FNBP4: variants seen among roughly 807,000 people sequenced by gnomAD.
The protein encoded by FNBP4 is formin binding protein 4, also known as formin-binding protein 4.
Under a neutral mutation model 119.3 loss-of-function variants are expected in FNBP4, and 34 were observed. The observed-to-expected ratio is 0.28, with a 90% CI of 0.22 to 0.38. The LOEUF is 0.38. FNBP4 is among the 10% of genes least tolerant of loss of function. The pLI, the probability that FNBP4 is intolerant of heterozygous loss-of-function variation, is 1.00. For missense variants in FNBP4, 1,112 were observed against 1,228.9 expected (o/e 0.90, Z 1.42); for synonymous variants, 462 against 430.6 (o/e 1.07, Z -0.90).
At chr11:47,765,585 A>G (rs1238697112) in intron 1 of FNBP4, among the ~76,000 whole-genome samples, 5 of 64,494 alleles carry the variant, frequency 7.8e-5, no homozygotes, top group Admixed American at 7.3e-4. Flanking sequence ...GGGGGGGGCC[A>G]CTTGAGGTCA....
chr11:47,750,684 G>A lies in FNBP4; in HGVS notation c.906+232C>T, dbSNP rs573500571. ...AGCCTGGGTGACGGGGCGAGACTCT[G>A]TCTCAAAAAAAAAAAAAAAAAAAAA... is the stretch of plus-strand genomic sequence containing the variant. On this transcript the variant is annotated intron_variant, in intron 6 of 16. Coordinates refer to ENST00000263773, the MANE Select transcript of FNBP4 (RefSeq NM_015308.5). 1.2e-3 allele frequency among the ~76,000 whole-genome samples: 78 copies of A among 67,012 alleles called. 2 individuals are homozygous for A. In the East Asian group the frequency reaches 0.035, roughly 30 times the overall value. 44.0% of individuals were successfully genotyped at this position (67,012 alleles called of 152,430 possible).
intron 6 of FNBP4, among the ~76,000 whole-genome samples, chr11:47,750,356 T>C (rs1204782818): frequency 1.8e-5 from 2 of 112,094 alleles, no homozygotes; most frequent in Non-Finnish European, 3.3e-5. Context: ...CGCTCCAGCC[T>C]GGGCAACAGA....
chr11:47,720,140 C>T (rs1185654679), intron 15 of FNBP4, 54 bp from the exon 16 acceptor site: 16 of 1,530,476 alleles, frequency 1.0e-5, no homozygotes, highest in East Asian at 2.4e-5. Flanking sequence ...TAAGGATAAG[C>T]GTCCTCTACA....
intron 2 of FNBP4, among the ~76,000 whole-genome samples, chr11:47,759,575 A>T (rs1374074064): frequency 6.6e-6 from 1 of 152,192 alleles, no homozygotes; most frequent in Non-Finnish European, 1.5e-5. Flanking sequence ...CTACCAAAGG[A>T]GAAACTTCTG....
In FNBP4 at chr11:47,754,401, A is replaced by G. The variant is rs1599245434; in HGVS notation, c.450+127T>C. The G allele has an allele frequency of 1.9e-5, 17 of 884,742 alleles. No individual in the cohort carries two copies. In the East Asian group the frequency reaches 4.2e-4, roughly 22 times the overall value. 54.8% of individuals were successfully genotyped at this position (884,742 alleles called of 1,614,324 possible). A position where few individuals can be genotyped will look rare whatever the true frequency, so the allele number is the denominator to read the frequency against. The stretch of plus-strand genomic sequence containing the variant: ...AGAGATAGAGATCGGGAGAAATACA[A>G]GAGAGTGTTGGAGGGAGAGGGAGAA... On this transcript the variant is annotated intron_variant, in intron 3 of 16. Transcript: ENST00000263773.
intron 16 of FNBP4, among the ~76,000 whole-genome samples, chr11:47,718,903 A>ATTTTTTTTTT (rs2097552300): frequency 7.8e-6 from 1 of 127,840 alleles, no homozygotes; most frequent in Non-Finnish European, 1.6e-5. Context: ...CCCACCCAAC[A>ATTTTTTTTTT]TGTTTTTTTT....
rs568088702 is a variant in FNBP4, at chr11:47,716,982, G to A, written c.*440C>T. ...AGACCTCAGCACTTCAGGGGTGGCC[G>A]ACTAGAGAAAAGAGGCCAGAAAAAG... On this transcript the variant is annotated 3_prime_UTR_variant, in exon 17 of 17. Coordinates refer to ENST00000263773, the MANE Select transcript of FNBP4 (RefSeq NM_015308.5). 8.2e-5 allele frequency: 13 copies of A among 157,660 alleles called. No individual in the cohort carries two copies. Among genetic ancestry groups the A allele is most frequent in the South Asian group, 1.9e-4 (1 of 5,220 alleles). 9.8% of individuals were successfully genotyped at this position (157,660 alleles called of 1,614,324 possible).
chr11:47,758,241 C>T (rs926363866), intron 2 of FNBP4, among the ~76,000 whole-genome samples: 3 of 152,110 alleles, frequency 2.0e-5, no homozygotes, highest in African/African-American at 2.4e-5. Flanking sequence ...CGCACCACTG[C>T]GCCTGGCTAA....
At chr11:47,754,214 A>G (rs1237219585) in intron 3 of FNBP4, among the ~76,000 whole-genome samples, 1 of 148,730 alleles carries the variant, frequency 6.7e-6, no homozygotes, top group Non-Finnish European at 1.5e-5. Flanking sequence ...CTCAAGAAAA[A>G]AAAAAAAAAG....
In FNBP4 at chr11:47,738,790, C is replaced by T. The variant is rs370288531; in HGVS notation, c.1457-2050G>A. On this transcript the variant is annotated intron_variant, in intron 8 of 16. Transcript: ENST00000263773. ...CAACCTCCTGGGTTCAAGCAATTCT[C>T]CTGCCTCAGCCTTCCAAGTAGCTGG... Among the ~76,000 whole-genome samples the T allele has an allele frequency of 2.0e-5, 3 of 150,860 alleles. No individual in the cohort carries two copies. In the East Asian group the frequency reaches 5.9e-4, roughly 30 times the overall value.
intron 8 of FNBP4, 58 bp downstream of exon 8, chr11:47,743,895 G>C: frequency 6.8e-7 from 1 of 1,474,070 alleles, no homozygotes; most frequent in Non-Finnish European, 9.4e-7. Context: ...AAAAAGACAA[G>C]AGTTTCCTTC....
rs1443583374 is a variant in FNBP4 at position 47,732,225 on chromosome 11, A to G, written c.1820+312T>C. On this transcript the variant is annotated intron_variant, in intron 11 of 16. Transcript: ENST00000263773. The surrounding 1 kb of genome is among the most constrained non-coding windows in gnomAD (Gnocchi z 4.2). The stretch of plus-strand genomic sequence containing the variant: ...AGTAGTTGCTTCCAGAGGTCCTGTA[A>G]AGCGCACAGAGCTCTCGCATGCGCT... The G allele has an allele frequency of 1.7e-5, 19 of 1,111,058 alleles. No individual in the cohort carries two copies. Among genetic ancestry groups the G allele is most frequent in the Non-Finnish European group, 1.9e-5 (17 of 910,012 alleles). The allele number at this position is 1,111,058 out of a possible 1,614,324, so 68.8% of individuals were successfully genotyped here.
In FNBP4 at chr11:47,754,616, T is replaced by A. The variant is rs745468284; in HGVS notation, c.362A>T (p.Asn121Ile). 1 of 1,614,098 alleles carries A rather than the reference T, an allele frequency of 6.2e-7. No individual in the cohort carries two copies. Among genetic ancestry groups the A allele is most frequent in the East Asian group, 2.2e-5 (1 of 44,886 alleles). Residue 121 changes from asparagine (N) to isoleucine (I), a missense_variant, in exon 3 of 17, where the codon AAT becomes ATT. Transcript: ENST00000263773. The stretch of plus-strand genomic sequence containing the variant: ...TTGTGCTAGTTTTTCGGAAACATCA[T>A]TGTCATCGTCATCACTGTCAGCATA... ...GAYADSDDDDNDVSEKLAQSK... is the reference protein window; with the variant it reads ...GAYADSDDDDIDVSEKLAQSK...
At chr11:47,765,218 C>T (rs1051467504) in intron 2 of FNBP4, 52 bp downstream of exon 2, 2 of 1,253,718 alleles carry the variant, frequency 1.6e-6, no homozygotes, top group Non-Finnish European at 2.3e-6. Context: ...CCCAACTTGA[C>T]TTTAATGAAA....
chr11:47,719,811 G>A, intron 16 of FNBP4, 118 bp downstream of exon 16: 1 of 1,064,268 alleles, frequency 9.4e-7, no homozygotes, highest in South Asian at 1.9e-5. Flanking sequence ...TTTACAAGCT[G>A]TGATTTTAAG....
chr11:47,760,130 TAA>T (rs745882338), intron 2 of FNBP4, among the ~76,000 whole-genome samples: 2 of 152,158 alleles, frequency 1.3e-5, no homozygotes, highest in Non-Finnish European at 1.5e-5. Context: ...TTTCTTCACC[TAA>T]GAGCTTTTCA....
Position 47,722,458 on chromosome 11 carries a change from T to C in FNBP4, c.2805+518A>G, listed in dbSNP as rs150023859. 7.9e-5 allele frequency among the ~76,000 whole-genome samples: 12 copies of C among 151,992 alleles called. No individual in the cohort carries two copies. In the East Asian group the frequency reaches 1.5e-3, roughly 20 times the overall value. On this transcript the variant is annotated intron_variant, in intron 15 of 16. Transcript: ENST00000263773. Reference sequence around the variant, plus strand: ...GTGATGCTGGCTCAACAAGTAGGAGTTGACATGACTGAGTGCTGTACTCAT... The same window carrying C: ...GTGATGCTGGCTCAACAAGTAGGAGCTGACATGACTGAGTGCTGTACTCAT...
intron 2 of FNBP4, among the ~76,000 whole-genome samples, chr11:47,758,991 T>G (rs1304293552): frequency 6.7e-6 from 1 of 150,084 alleles, no homozygotes; most frequent in African/African-American, 2.5e-5. Context: ...CAATCTCAGC[T>G]CAGTGCAACC....
chr11:47,743,119 C>A (rs933098270), intron 8 of FNBP4, among the ~76,000 whole-genome samples: 1 of 152,072 alleles, frequency 6.6e-6, no homozygotes, highest in African/African-American at 2.4e-5. Context: ...GAACCACGAT[C>A]CATAAAAGTA....
Sources: allele counts gnomAD v4.1 joint callset (sites outside exome capture counted in the v4.1 genomes callset), GRCh38; gene constraint gnomAD v4.1.1; non-coding constraint Gnocchi (gnomAD v3.1); transcripts MANE v1.5; gene names NCBI Gene and HGNC (gene_info 2026-07-23, HGNC 2026-07-21).